Variants in ARID4B observed in about 807,000 individuals in gnomAD.
ARID4B encodes the protein AT-rich interaction domain 4B.
Under a neutral mutation model 147.5 loss-of-function variants are expected in ARID4B, and 26 were observed. The observed-to-expected ratio is 0.18, with a 90% CI of 0.13 to 0.24. ARID4B has a LOEUF of 0.24. Among genes scored for constraint, ARID4B ranks in the 10% least tolerant of loss-of-function variants. ARID4B has a pLI of 1.00. For missense variants in ARID4B, 1,179 were observed against 1,511.5 expected (o/e 0.78, Z 3.65); for synonymous variants, 512 against 507.9 (o/e 1.01, Z -0.11).
At chr1:235,218,285 T>C (rs995159928) in intron 16 of ARID4B, among the ~76,000 whole-genome samples, 3 of 152,160 alleles carry the variant, frequency 2.0e-5, no homozygotes, top group African/African-American at 7.2e-5. Context: ...ATCCATATAA[T>C]TATACAGTTA....
chr1:235,194,710 T>A (rs1665370986), intron 18 of ARID4B, among the ~76,000 whole-genome samples: 1 of 151,850 alleles, frequency 6.6e-6, no homozygotes, highest in South Asian at 2.1e-4. Flanking sequence ...TCCCAGCTAC[T>A]CGGGAGGCTG....
chr1:235,220,011 T>G lies in ARID4B; in HGVS notation c.1408-43A>C, dbSNP rs764310963. Reference sequence around the variant, plus strand: ...GAAAGAAACCAACAAAAGTAAAAATTTTCAACCTATATCCATGGTTTATCT... The same window carrying G: ...GAAAGAAACCAACAAAAGTAAAAATGTTCAACCTATATCCATGGTTTATCT... On this transcript the variant is annotated intron_variant, in intron 15 of 23. Coordinates refer to ENST00000264183, the MANE Select transcript of ARID4B (RefSeq NM_016374.6). The G allele has an allele frequency of 4.6e-6, 6 of 1,315,680 alleles. No individual in the cohort carries two copies. In the African/African-American group the frequency reaches 9.2e-5, roughly 20 times the overall value. 81.5% of individuals were successfully genotyped at this position (1,315,680 alleles called of 1,614,324 possible). A position where few individuals can be genotyped will look rare whatever the true frequency, so the allele number is the denominator to read the frequency against.
chr1:235,217,986 G>A (rs1019433426), intron 16 of ARID4B, among the ~76,000 whole-genome samples: 1 of 152,118 alleles, frequency 6.6e-6, no homozygotes, highest in Non-Finnish European at 1.5e-5. Context: ...ATAAGGCACA[G>A]CATGAGATAA....
intron 6 of ARID4B, among the ~76,000 whole-genome samples, chr1:235,250,560 T>C (rs1669579792): frequency 1.3e-5 from 2 of 152,122 alleles, no homozygotes; most frequent in African/African-American, 4.8e-5. Flanking sequence ...CATGGCTTGG[T>C]TTGATTAATG....
chr1:235,298,483 C>T (rs911991991), intron 2 of ARID4B, among the ~76,000 whole-genome samples: 14 of 146,576 alleles, frequency 9.6e-5, no homozygotes, highest in South Asian at 4.3e-4. Flanking sequence ...ATGAATATAA[C>T]GTATATTTAT....
chr1:235,176,557 A>G (rs1663898335), intron 21 of ARID4B, among the ~76,000 whole-genome samples: 1 of 151,982 alleles, frequency 6.6e-6, no homozygotes, highest in Admixed American at 6.6e-5. Context: ...GGGAATAAAG[A>G]AACTCCACCA....
In ARID4B at chr1:235,252,737, T is replaced by C; in HGVS notation, c.347A>G (p.Glu116Gly). The change falls in exon 6 of 24, where the codon GAA becomes GGA. Residue 116 changes from glutamate (E) to glycine (G), a missense_variant. Around this residue, in one of 10 missense-constraint regions of ARID4B, gnomAD observed 19 missense variants for 46.7 expected, o/e 0.41. Coordinates refer to ENST00000264183, the MANE Select transcript of ARID4B (RefSeq NM_016374.6). ...TGTTAAATGATGACTTACTTCACTT[T>C]CAGCAAAATGCCTCTCTCCTTTCAG... Reference protein sequence around the residue: ...LCLKGERHFAESETLDQLPLT... With the variant: ...LCLKGERHFAGSETLDQLPLT... 6.2e-7 allele frequency: 1 copy of C among 1,610,938 alleles called. No individual in the cohort carries two copies. Among genetic ancestry groups the C allele is most frequent in the Non-Finnish European group, 8.5e-7 (1 of 1,178,600 alleles).
At chr1:235,263,272 G>A (rs12088940) in intron 2 of ARID4B, among the ~76,000 whole-genome samples, 6,065 of 152,214 alleles carry the variant, frequency 0.04, 453 homozygotes, top group African/African-American at 0.14. Context: ...TGTACCTACT[G>A]AGGAACATAT....
intron 2 of ARID4B, among the ~76,000 whole-genome samples, chr1:235,309,280 AGCCGCCCCATCTGAGAAGTGAGGAGC>A (rs1673835944): frequency 8.7e-6 from 1 of 114,424 alleles, no homozygotes; most frequent in Admixed American, 9.3e-5. Context: ...TCCGCCCGGC[AGCCGCCCCATCTGAGAAGTGAGGAGC>A]CCCTCCGCCC....
intron 22 of ARID4B, among the ~76,000 whole-genome samples, chr1:235,173,180 C>T (rs1170057654): frequency 6.6e-6 from 1 of 152,044 alleles, no homozygotes; most frequent in African/African-American, 2.4e-5. Context: ...CCTGTCTCTA[C>T]TAAAACTACA....
At chr1:235,198,788 T>C (rs1303142443) in intron 17 of ARID4B, among the ~76,000 whole-genome samples, 2 of 152,216 alleles carry the variant, frequency 1.3e-5, no homozygotes, top group African/African-American at 4.8e-5. Context: ...CTTACTATTC[T>C]GGAAAATTTT....
At chr1:235,179,252 G>A (rs1465073613) in intron 20 of ARID4B, among the ~76,000 whole-genome samples, 1 of 152,064 alleles carries the variant, frequency 6.6e-6, no homozygotes, top group Non-Finnish European at 1.5e-5. Flanking sequence ...ACCTATTTCT[G>A]GCTGGGCGCG....
intron 2 of ARID4B, among the ~76,000 whole-genome samples, chr1:235,309,004 G>A (rs570029694): frequency 7.6e-5 from 11 of 144,276 alleles, no homozygotes; most frequent in Admixed American, 6.7e-5. Context: ...GTCTCTGCCC[G>A]GCCGCCATCC....
intron 4 of ARID4B, among the ~76,000 whole-genome samples, chr1:235,256,173 CAA>C (rs58486379): frequency 4.3e-5 from 4 of 92,472 alleles, no homozygotes; most frequent in Admixed American, 2.5e-4. Flanking sequence ...GACTCTGCCT[CAA>C]AAAAAAAAAA....
At chr1:235,304,618 T>C (rs11583468) in intron 2 of ARID4B, among the ~76,000 whole-genome samples, 19,929 of 152,088 alleles carry the variant, frequency 0.13, 1,503 homozygotes, top group African/African-American at 0.2. Flanking sequence ...GTGCTATAAA[T>C]CATCACCATC....
chr1:235,300,421 A>G (rs2103243364), intron 2 of ARID4B, among the ~76,000 whole-genome samples: 1 of 147,640 alleles, frequency 6.8e-6, no homozygotes, highest in South Asian at 2.1e-4. Context: ...CGTCTCATAA[A>G]AAAAAAAAAA....
intron 16 of ARID4B, among the ~76,000 whole-genome samples, 160 bp from the exon 17 acceptor site, chr1:235,214,186 T>G (rs1033152001): frequency 6.6e-6 from 1 of 152,080 alleles, no homozygotes; most frequent in Non-Finnish European, 1.5e-5. Context: ...TATTAAAAAC[T>G]AAAACTGTAA....
intron 16 of ARID4B, among the ~76,000 whole-genome samples, chr1:235,216,474 A>G (rs991143403): frequency 6.6e-6 from 1 of 151,964 alleles, no homozygotes; most frequent in Non-Finnish European, 1.5e-5. Context: ...CAGCTTCCCA[A>G]TAAGCTGGGA....
At chr1:235,320,101 T>C (rs187781642) in intron 2 of ARID4B, among the ~76,000 whole-genome samples, 14 of 149,586 alleles carry the variant, frequency 9.4e-5, no homozygotes, top group African/African-American at 1.2e-4. Flanking sequence ...CACTCCAACC[T>C]GGGTAACGAG....
Sources: allele counts gnomAD v4.1 joint callset (sites outside exome capture counted in the v4.1 genomes callset), GRCh38; gene constraint gnomAD v4.1.1; regional missense constraint gnomAD v4.1.1; transcripts MANE v1.5; gene names NCBI Gene and HGNC (gene_info 2026-07-23, HGNC 2026-07-21).